Variants in MICA observed in about 807,000 individuals in gnomAD.
The protein encoded by MICA is HLA class I antigen.
In MICA, 18 loss-of-function variants were observed where a neutral mutation model predicts 34.3. The ratio of observed to expected loss-of-function variants is 0.52; its 90% CI spans 0.36 to 0.78. MICA has a LOEUF of 0.78. Among genes scored for constraint, MICA ranks in the 30% least tolerant of loss-of-function variants. MICA has a pLI of 0.00. For synonymous variants in MICA, 135 were observed against 156.9 expected, an observed-to-expected ratio of 0.86 and a Z score of 1.04; for missense variants, 333 against 409.4, an observed-to-expected ratio of 0.81 and a Z score of 1.61.
In MICA at chr6:31,411,573, G is replaced by A. The variant is rs1229385804; in HGVS notation, c.613+214G>A. ...CAGTGTTGTAATCAGGGCAAGTAGA[G>A]GACCCTCCGACAGAATCCTGAGCCT... On this transcript the variant is annotated intron_variant, in intron 3 of 5. Coordinates refer to ENST00000449934, the MANE Select transcript of MICA (RefSeq NM_001177519.3). This position sits in a 1 kb window ranked among gnomAD's most constrained non-coding sequence, Gnocchi z 4.3. 6.6e-6 allele frequency among the ~76,000 whole-genome samples: 1 copy of A among 151,876 alleles called. No individual in the cohort carries two copies. The highest frequency in any genetic ancestry group is 1.5e-5 in the Non-Finnish European group (1 of 68,030).
At chr6:31,401,677 T>A (rs1220813581), upstream of MICA, among the ~76,000 whole-genome samples, 1 of 133,958 alleles carries the variant, frequency 7.5e-6, no homozygotes, top group South Asian at 2.4e-4. Flanking sequence ...AAAAAAAAAA[T>A]TCATGGCAGG....
upstream of MICA, among the ~76,000 whole-genome samples, chr6:31,403,425 C>A (rs1409244564): frequency 1.3e-5 from 2 of 151,950 alleles, no homozygotes; most frequent in African/African-American, 4.8e-5. The surrounding 1 kb of genome is among the most constrained non-coding windows in gnomAD (Gnocchi z 4.7). Flanking sequence ...CCCCAGGTCC[C>A]GCCTTCTAAA....
At chr6:31,407,147 T>A (rs1011694726) in intron 1 of MICA, among the ~76,000 whole-genome samples, 1 of 151,962 alleles carries the variant, frequency 6.6e-6, no homozygotes, top group African/African-American at 2.4e-5. Flanking sequence ...TTGGGTAGTA[T>A]GGATATTTCA....
At chr6:31,413,199 T>C (rs1771307119) in intron 5 of MICA, among the ~76,000 whole-genome samples, 1 of 151,834 alleles carries the variant, frequency 6.6e-6, no homozygotes, top group Non-Finnish European at 1.5e-5. Context: ...GCAGATGACA[T>C]GGATGAGTAG....
chr6:31,409,056 A>T (rs1770912231), intron 1 of MICA, among the ~76,000 whole-genome samples: 1 of 151,726 alleles, frequency 6.6e-6, no homozygotes, highest in South Asian at 2.1e-4. Flanking sequence ...AGGTTCATCC[A>T]AGTTGTAGTA....
chr6:31,413,250 G>T (rs1771310433), intron 5 of MICA, among the ~76,000 whole-genome samples: 1 of 151,944 alleles, frequency 6.6e-6, no homozygotes, highest in Admixed American at 6.6e-5. Context: ...GTGGGGCCCA[G>T]CCCCTCATCA....
chr6:31,411,799 A>C lies in MICA; in HGVS notation c.614-148A>C. 1.6e-6 allele frequency: 2 copies of C among 1,261,340 alleles called. No individual in the cohort carries two copies. The highest frequency in any genetic ancestry group is 1.6e-5 in the South Asian group (1 of 63,168). The allele number at this position is 1,261,340 out of a possible 1,614,324, so 78.1% of individuals were successfully genotyped here. The stretch of plus-strand genomic sequence containing the variant: ...GCCCATCCTCCTGCCAGCCTGGAAG[A>C]ACTGGGCCCCAGAGTGAGGACAGAC... On this transcript the variant is annotated intron_variant, in intron 3 of 5. Transcript: ENST00000449934. This position sits in a 1 kb window ranked among gnomAD's most constrained non-coding sequence, Gnocchi z 4.3.
Position 31,403,758 on chromosome 6 carries a change from G to A in MICA, c.70+56G>A. ...AGCGGGAGCAGTGGGACGTTTCCGG[G>A]GGTCGGGTGGGTAGCGGCGAGCGCT... is the stretch of plus-strand genomic sequence containing the variant. On this transcript the variant is annotated intron_variant, in intron 1 of 5. Coordinates refer to ENST00000449934, the MANE Select transcript of MICA (RefSeq NM_001177519.3). The surrounding 1 kb of genome is among the most constrained non-coding windows in gnomAD (Gnocchi z 4.7). 6.7e-7 allele frequency: 1 copy of A among 1,483,630 alleles called. No homozygotes were observed. Among genetic ancestry groups the A allele is most frequent in the East Asian group, 2.7e-5 (1 of 37,310 alleles). 91.9% of individuals were successfully genotyped at this position (1,483,630 alleles called of 1,614,324 possible).
upstream of MICA, among the ~76,000 whole-genome samples, chr6:31,401,185 T>C (rs1442029188): frequency 6.6e-6 from 1 of 151,352 alleles, no homozygotes; most frequent in Non-Finnish European, 1.5e-5. Flanking sequence ...TCCATCTCCC[T>C]CCCAGTCTCT....
At chr6:31,408,636 CCACT>C in intron 1 of MICA, among the ~76,000 whole-genome samples, 1 of 151,922 alleles carries the variant, frequency 6.6e-6, no homozygotes, top group Non-Finnish European at 1.5e-5. Context: ...ATGAATTTGA[CCACT>C]CTAGGTACCT....
At position 31,410,463 on chromosome 6, in the gene MICA, G is replaced by A. The variant is rs1771040023; in HGVS notation, c.71-80G>A. 8 of 1,544,654 alleles carry A rather than the reference G, an allele frequency of 5.2e-6. No homozygotes were observed. The Admixed American group carries it at 1.3e-4, about 26-fold the overall frequency. On this transcript the variant is annotated intron_variant, in intron 1 of 5. Transcript: ENST00000449934. ...TGCATTTCCTGCCCCAGGAAGGTTG[G>A]GACAGCAGACCTGTGTGTTAAACAT...
At chr6:31,405,965 T>C (rs1770726072) in intron 1 of MICA, among the ~76,000 whole-genome samples, 1 of 151,952 alleles carries the variant, frequency 6.6e-6, no homozygotes, top group African/African-American at 2.4e-5. Context: ...TTAGATTGCT[T>C]GCAGATCTTG....
upstream of MICA, among the ~76,000 whole-genome samples, chr6:31,402,582 G>A (rs1261885615): frequency 6.6e-6 from 1 of 151,882 alleles, no homozygotes; most frequent in African/African-American, 2.4e-5. Context: ...AGTAATCTAG[G>A]CTGAAGGGAG....
At chr6:31,412,285 T>C in intron 4 of MICA, 40 bp from the exon 5 acceptor site, 1 of 1,605,662 alleles carries the variant, frequency 6.2e-7, no homozygotes, top group Non-Finnish European at 8.5e-7. Context: ...GGGATGGCTG[T>C]GGCTCTCTGC....
chr6:31,414,243 C>T (rs150679606), intron 5 of MICA, among the ~76,000 whole-genome samples: 1 of 151,682 alleles, frequency 6.6e-6, no homozygotes, highest in Non-Finnish European at 1.5e-5. Flanking sequence ...GTTGCAAGGG[C>T]AGTGGCCGGG....
chr6:31,400,944 T>G (rs1770391139), upstream of MICA, among the ~76,000 whole-genome samples: 1 of 151,618 alleles, frequency 6.6e-6, no homozygotes, highest in Admixed American at 6.6e-5. Context: ...CTCAAGACCA[T>G]CTCGGCCTCC....
chr6:31,410,073 C>T (rs1386796912), intron 1 of MICA, among the ~76,000 whole-genome samples: 2 of 151,774 alleles, frequency 1.3e-5, no homozygotes, highest in South Asian at 2.1e-4. Context: ...CCCTTGTCCC[C>T]GCCATGCCCA....
chr6:31,409,336 G>GTGTGTGTGTGTGT (rs1770943049), intron 1 of MICA, among the ~76,000 whole-genome samples: 1 of 115,178 alleles, frequency 8.7e-6, no homozygotes, highest in Non-Finnish European at 2.0e-5. Context: ...TGTGTGTGTA[G>GTGTGTGTGTGTGT]GTGTGTGATA....
intron 5 of MICA, 38 bp downstream of exon 5, chr6:31,412,498 C>T (rs1441164403): frequency 7.5e-7 from 1 of 1,324,780 alleles, no homozygotes; most frequent in African/African-American, 1.5e-5. Flanking sequence ...TGGTAAGGCC[C>T]CTGTCTGGGC....
Sources: gnomAD v4.1 joint callset for allele counts (sites outside exome capture counted in the v4.1 genomes callset) on GRCh38, gnomAD v4.1.1 for gene constraint, Gnocchi (gnomAD v3.1) non-coding constraint, MANE v1.5 for transcripts, NCBI Gene and HGNC (gene_info 2026-07-23, HGNC 2026-07-21) for gene names.